The following THSD7B variants were observed in gnomAD, a reference collection of about 807,000 sequenced individuals.
The protein encoded by THSD7B is thrombospondin type 1 domain containing 7B, also known as thrombospondin type-1 domain-containing protein 7B.
THSD7B carries 138 observed loss-of-function variants against 213.6 expected under a neutral mutation model. That is an observed-to-expected ratio of 0.65 (90% CI 0.56 to 0.74). The LOEUF is 0.74. Among genes scored for constraint, THSD7B ranks in the 30% least tolerant of loss-of-function variants. The pLI is 0.00. For missense variants in THSD7B, 1,931 were observed against 1,991.5 expected, an observed-to-expected ratio of 0.97 and a Z score of 0.58; for synonymous variants, 742 against 687.0, an observed-to-expected ratio of 1.08 and a Z score of -1.25.
rs145282699 is a variant in THSD7B at position 136,820,338 on chromosome 2, C to A, written c.-36+54651C>A. Among the ~76,000 whole-genome samples, 1,384 of 152,154 alleles carry A rather than the reference C, an allele frequency of 9.1e-3. 11 individuals carry two copies. Among genetic ancestry groups the A allele is most frequent in the Middle Eastern group, 0.02 (6 of 294 alleles). On this transcript the variant is annotated intron_variant, in intron 1 of 27. Coordinates refer to ENST00000409968, the MANE Select transcript of THSD7B (RefSeq NM_001316349.2). Reference sequence around the variant, plus strand: ...CTCAGTGGAATAACCTGGAGGATACCCTGAACCTAGTGATCAAATTCAGCA... The same window carrying A: ...CTCAGTGGAATAACCTGGAGGATACACTGAACCTAGTGATCAAATTCAGCA...
intron 15 of THSD7B, among the ~76,000 whole-genome samples, chr2:137,506,217 G>A (rs13003794): frequency 0.41 from 62,148 of 151,996 alleles, 13,938 homozygotes; most frequent in East Asian, 0.63. Flanking sequence ...CATTACAGAA[G>A]CTAGAATGAG....
chr2:137,670,489 A>G (rs1344327664), intron 27 of THSD7B, among the ~76,000 whole-genome samples: 1 of 1,180 alleles, frequency 8.5e-4, no homozygotes, highest in Non-Finnish European at 0.018. Flanking sequence ...TTTAAAATAG[A>G]AAAAAAATTG....
At chr2:137,381,517 A>G (rs975001390) in intron 12 of THSD7B, among the ~76,000 whole-genome samples, 4 of 152,112 alleles carry the variant, frequency 2.6e-5, no homozygotes, top group African/African-American at 7.2e-5. Context: ...AGAGCTTGGA[A>G]AAAGAATTAG....
intron 12 of THSD7B, among the ~76,000 whole-genome samples, chr2:137,392,794 C>CT (rs1686064793): frequency 6.6e-6 from 1 of 151,990 alleles, no homozygotes; most frequent in Non-Finnish European, 1.5e-5. Context: ...CAAGTTAATA[C>CT]TTACATGTGA....
intron 1 of THSD7B, among the ~76,000 whole-genome samples, chr2:136,880,238 T>G (rs1683596062): frequency 1.3e-5 from 2 of 152,128 alleles, no homozygotes; most frequent in Admixed American, 6.6e-5. Flanking sequence ...TCAGCAAATG[T>G]AAAAGAACAG....
intron 15 of THSD7B, among the ~76,000 whole-genome samples, chr2:137,511,031 C>A (rs1357648386): frequency 6.6e-6 from 1 of 152,118 alleles, no homozygotes; most frequent in African/African-American, 2.4e-5. Context: ...TTCTCTCTAT[C>A]TTCTGTGACT....
At chr2:136,830,516 C>T (rs552632678) in intron 1 of THSD7B, among the ~76,000 whole-genome samples, 1 of 152,170 alleles carries the variant, frequency 6.6e-6, no homozygotes, top group East Asian at 1.9e-4. Flanking sequence ...TTAAGGTGTT[C>T]TAAGTTTCAT....
intron 3 of THSD7B, among the ~76,000 whole-genome samples, chr2:137,069,133 A>AATTT: frequency 6.6e-6 from 1 of 151,934 alleles, no homozygotes. Flanking sequence ...TGCACATCCT[A>AATTT]ATTTTTCTTT....
intron 2 of THSD7B, among the ~76,000 whole-genome samples, chr2:136,887,892 T>C (rs963100759): frequency 2.6e-5 from 4 of 152,306 alleles, no homozygotes; most frequent in Admixed American, 6.5e-5. Flanking sequence ...GAGCCATATT[T>C]ATCCATCTGA....
Position 137,239,316 on chromosome 2 carries a change from TTCTG to T in THSD7B, c.2151-3137_2151-3134del, listed in dbSNP as rs779793157. On this transcript the variant is annotated intron_variant, in intron 9 of 27. Coordinates refer to ENST00000409968, the MANE Select transcript of THSD7B (RefSeq NM_001316349.2). ...CTTTTTAACAGTTGCTGAATTTTTT[TTCTG>T]TCTCTCTCTGAATTTTGATTGGGAA... Among the ~76,000 whole-genome samples the T allele has an allele frequency of 7.5e-4, 114 of 152,292 alleles. 1 individual carries two copies. Among genetic ancestry groups the T allele is most frequent in the Non-Finnish European group, 5.9e-4 (40 of 68,024 alleles).
At chr2:137,226,904 T>C (rs1681519531) in intron 7 of THSD7B, among the ~76,000 whole-genome samples, 1 of 152,204 alleles carries the variant, frequency 6.6e-6, no homozygotes, top group Admixed American at 6.5e-5. Context: ...TGTTCATTCA[T>C]AAAATGGAAT....
At chr2:137,502,894 T>C (rs886975567) in intron 15 of THSD7B, among the ~76,000 whole-genome samples, 1 of 152,178 alleles carries the variant, frequency 6.6e-6, no homozygotes, top group Non-Finnish European at 1.5e-5. Context: ...AAAATGTGTA[T>C]ATCCATGTAT....
At chr2:137,157,448 T>C (rs965138391) in intron 5 of THSD7B, among the ~76,000 whole-genome samples, 1 of 152,182 alleles carries the variant, frequency 6.6e-6, no homozygotes, top group African/African-American at 2.4e-5. Context: ...AAGCCGGGGC[T>C]GTTTTGGCTG....
At chr2:136,910,713 G>C (rs1037398876) in intron 2 of THSD7B, among the ~76,000 whole-genome samples, 4 of 151,960 alleles carry the variant, frequency 2.6e-5, no homozygotes, top group African/African-American at 9.7e-5. Flanking sequence ...TTGAATGCCG[G>C]TTTTGCTACT....
chr2:137,224,550 G>A lies in THSD7B; in HGVS notation c.1724-6494G>A, dbSNP rs75682175. On this transcript the variant is annotated intron_variant, in intron 7 of 27. Transcript: ENST00000409968. ...TGGGGCAGAAACTGACATCTATTAA[G>A]TACTATGCATGTGTTTACTGATATT... 3.5e-3 allele frequency among the ~76,000 whole-genome samples: 533 copies of A among 152,252 alleles called. 8 individuals carry two copies. The highest frequency in any genetic ancestry group is 0.012 in the African/African-American group (504 of 41,560).
At chr2:137,253,567 A>C (rs1682235608) in intron 10 of THSD7B, among the ~76,000 whole-genome samples, 1 of 152,124 alleles carries the variant, frequency 6.6e-6, no homozygotes. Flanking sequence ...TTTCATTCTC[A>C]TATCTGTAGA....
In THSD7B at chr2:137,411,616, C is replaced by A. The variant is rs1180688760; in HGVS notation, c.2703C>A (p.Ser901Arg). The change falls in exon 14 of 28, where the codon AGC becomes AGA. Residue 901 changes from serine to arginine, a missense_variant. By Grantham distance (110) the Ser-to-Arg change is moderately radical. Transcript: ENST00000409968. ...TGTCTCTTGTTGGAACAGGGAAAAGCAGAAAGAAGGAGAAATGCCAGGATT... is the reference window on the plus strand; with the variant it reads ...TGTCTCTTGTTGGAACAGGGAAAAGAAGAAAGAAGGAGAAATGCCAGGATT... ...KSRRRQLTGK[S>R]RKKEKCQDSD... 11 of 1,609,874 alleles carry A rather than the reference C, an allele frequency of 6.8e-6. No individual in the cohort carries two copies. The highest frequency in any genetic ancestry group is 9.3e-6 in the Non-Finnish European group (11 of 1,177,044).
chr2:137,328,748 G>A (rs1684427214), intron 12 of THSD7B, among the ~76,000 whole-genome samples: 1 of 152,162 alleles, frequency 6.6e-6, no homozygotes, highest in African/African-American at 2.4e-5. Context: ...AATCATAGTG[G>A]CAGTTTCCCC....
At chr2:137,422,568 T>C (rs998684112) in intron 14 of THSD7B, among the ~76,000 whole-genome samples, 6 of 152,110 alleles carry the variant, frequency 3.9e-5, no homozygotes, top group African/African-American at 1.4e-4. Context: ...TCATTTATAC[T>C]TTTAAAAAAA....
Sources: gnomAD v4.1 joint callset for allele counts (sites outside exome capture counted in the v4.1 genomes callset) on GRCh38, gnomAD v4.1.1 for gene constraint, MANE v1.5 for transcripts, NCBI Gene and HGNC (gene_info 2026-07-23, HGNC 2026-07-21) for gene names.